Variants in COL6A3 observed in about 807,000 individuals in gnomAD.
COL6A3 encodes collagen type VI alpha 3 chain, also known as collagen alpha-3(VI) chain.
Under a neutral mutation model 274.1 loss-of-function variants are expected in COL6A3, and 137 were observed. The observed-to-expected ratio is 0.50, with a 90% CI of 0.44 to 0.58. COL6A3 has a LOEUF of 0.58. Among genes scored for constraint, COL6A3 ranks in the 20% least tolerant of loss-of-function variants. The probability of loss-of-function intolerance (pLI) is 0.00; values close to 1 mark genes in which losing one functional copy is unlikely to be tolerated. For synonymous variants in COL6A3, 1,650 were observed against 1,650.6 expected, an observed-to-expected ratio of 1.00 and a Z score of 0.01; for missense variants, 3,950 against 4,124.9, an observed-to-expected ratio of 0.96 and a Z score of 1.16.
At chr2:237,358,977 C>G in intron 20 of COL6A3, 58 bp downstream of exon 20, 1 of 1,576,336 alleles carries the variant, frequency 6.3e-7, no homozygotes, top group Non-Finnish European at 8.7e-7. Flanking sequence ...AATAACTATT[C>G]CCTAAATGAA....
intron 6 of COL6A3, among the ~76,000 whole-genome samples, chr2:237,378,343 G>A (rs185914669): frequency 3.0e-4 from 46 of 152,218 alleles, no homozygotes; most frequent in Non-Finnish European, 5.1e-4. Flanking sequence ...ATCTGGATTC[G>A]AACTCCAGAA....
At chr2:237,352,346 G>T (rs1224146459) in intron 26 of COL6A3, among the ~76,000 whole-genome samples, 176 bp downstream of exon 26, 1 of 152,152 alleles carries the variant, frequency 6.6e-6, no homozygotes, top group Non-Finnish European at 1.5e-5. Context: ...TACTTTCTTG[G>T]GGTGAAGTAG....
chr2:237,379,969 G>A (rs927672671), intron 5 of COL6A3, among the ~76,000 whole-genome samples: 2 of 152,198 alleles, frequency 1.3e-5, no homozygotes, highest in African/African-American at 4.8e-5. Context: ...TCAAAATAGT[G>A]TATTTGACCC....
In COL6A3 at chr2:237,406,008, C is replaced by T. The variant is rs115035540; in HGVS notation, c.-31+7945G>A. 6.7e-3 allele frequency among the ~76,000 whole-genome samples: 1,025 copies of T among 152,226 alleles called. 10 individuals carry two copies. The highest frequency in any genetic ancestry group is 0.031 in the Middle Eastern group (9 of 294). On this transcript the variant is annotated intron_variant, in intron 1 of 43. Coordinates refer to ENST00000295550, the MANE Select transcript of COL6A3 (RefSeq NM_004369.4). ...CAATAAGAGACATTCATCACATTTTCATTCTCATCTTTCTGTTTAGGATTA... is the reference window on the plus strand; with the variant it reads ...CAATAAGAGACATTCATCACATTTTTATTCTCATCTTTCTGTTTAGGATTA...
In COL6A3 at chr2:237,325,566, C is replaced by G. The variant is rs553486570; in HGVS notation, c.9487G>C (p.Ala3163Pro). 7 of 1,614,002 alleles carry G rather than the reference C, an allele frequency of 4.3e-6. No homozygotes were observed. The African/African-American group carries it at 9.3e-5, about 22-fold the overall frequency. The change falls in exon 43 of 44, where the codon GCT becomes CCT. Residue 3163 changes from alanine to proline, a missense_variant. Ala to Pro is a conservative substitution (Grantham distance 27). Around this residue, in one of 5 missense-constraint regions of COL6A3, gnomAD observed 1,284 missense variants for 1,349.7 expected, o/e 0.95. Transcript: ENST00000295550. Reference sequence around the variant, plus strand: ...ACAAGGAAGAATCACTTACCAGGAGCGCAAACCTTTTCACATTCTTTCTGT... The same window carrying G: ...ACAAGGAAGAATCACTTACCAGGAGGGCAAACCTTTTCACATTCTTTCTGT... ...GSQKECEKVC[A>P]PVLAKPGVIS... is the part of the protein sequence containing the mutation.
At chr2:237,348,259 T>A in intron 30 of COL6A3, 90 bp downstream of exon 30, 1 of 1,148,036 alleles carries the variant, frequency 8.7e-7, no homozygotes, top group Non-Finnish European at 1.3e-6. Flanking sequence ...GACCCAAGAC[T>A]AATGCCAAGA....
rs755232164 is a variant in COL6A3, at chr2:237,381,284, T to C, written c.1528A>G (p.Thr510Ala). 25 of 1,614,104 alleles carry C rather than the reference T, an allele frequency of 1.5e-5. 1 individual carries two copies. The part of the protein sequence containing the change: ...NTHPTKREVI[T>A]AVRKMKPLDG... ...AGGGGCTTCATTTTCCGCACAGCGG[T>C]TATGACTTCCCTTTTTGTTGGATGG... Residue 510 changes from threonine to alanine, a missense_variant, in exon 5 of 44, where the codon ACC (threonine) becomes GCC (alanine). Coordinates refer to ENST00000295550, the MANE Select transcript of COL6A3 (RefSeq NM_004369.4).
intron 25 of COL6A3, 126 bp downstream of exon 25, chr2:237,353,215 G>T: frequency 2.2e-6 from 2 of 896,758 alleles, no homozygotes; most frequent in Non-Finnish European, 3.6e-6. Flanking sequence ...CATTGTGGAA[G>T]TACCAAATGC....
At chr2:237,345,257 G>A (rs200771427) in intron 32 of COL6A3, 44 bp from the exon 33 acceptor site, 217 of 1,602,192 alleles carry the variant, frequency 1.4e-4, no homozygotes, top group Non-Finnish European at 1.8e-4. Context: ...AGCAGATGGG[G>A]AATTCGAATA....
At chr2:237,328,436 G>A (rs751863233) in intron 42 of COL6A3, 1 of 152,196 alleles carries the variant, frequency 6.6e-6, no homozygotes, top group Non-Finnish European at 1.5e-5. Context: ...TAATAATGAT[G>A]TGCAGGAGTG....
rs760206683 is a variant in COL6A3 at position 237,381,196 on chromosome 2, C to G, written c.1616G>C (p.Ser539Thr). 1.9e-6 allele frequency: 3 copies of G among 1,614,268 alleles called. No homozygotes were observed. The highest frequency in any genetic ancestry group is 3.3e-5 in the Admixed American group (2 of 60,032). The change falls in exon 5 of 44, where the codon AGT becomes ACT. Residue 539 changes from serine to threonine, a missense_variant. Ser to Thr is a moderately conservative substitution (Grantham distance 58, BLOSUM62 1). Around this residue, in one of 5 missense-constraint regions of COL6A3, gnomAD observed 1,934 missense variants for 1,984.3 expected, o/e 0.97. Coordinates refer to ENST00000295550, the MANE Select transcript of COL6A3 (RefSeq NM_004369.4). ...CTCGGCAGCCCGGTAGCCGGCTGAA[C>G]TCGTGAATAGGTTGTTACGAACAAA... ...LDFVRNNLFT[S>T]SAGYRAAEGI... is the part of the protein sequence containing the mutation.
chr2:237,361,083 G>A lies in COL6A3; in HGVS notation c.6210+38C>T, dbSNP rs778537739. 1 of 1,550,250 alleles carries A rather than the reference G, an allele frequency of 6.5e-7. No homozygotes were observed. Among genetic ancestry groups the A allele is most frequent in the East Asian group, 2.2e-5 (1 of 44,530 alleles). On this transcript the variant is annotated intron_variant, in intron 16 of 43. Coordinates refer to ENST00000295550, the MANE Select transcript of COL6A3 (RefSeq NM_004369.4). This position sits in a 1 kb window ranked among gnomAD's most constrained non-coding sequence, Gnocchi z 5.1. ...ATCCCAATGGGTAAGGATCAAGGAGGGGGTGAAATTTTAGGGACTAAAACA... is the reference window on the plus strand; with the variant it reads ...ATCCCAATGGGTAAGGATCAAGGAGAGGGTGAAATTTTAGGGACTAAAACA...
At chr2:237,385,516 T>C (rs2078122196) in intron 4 of COL6A3, among the ~76,000 whole-genome samples, 1 of 152,214 alleles carries the variant, frequency 6.6e-6, no homozygotes. Flanking sequence ...AGAGGTTGCA[T>C]GACCTGCCCA....
intron 6 of COL6A3, among the ~76,000 whole-genome samples, chr2:237,378,215 A>G (rs1481963467): frequency 6.6e-6 from 1 of 152,240 alleles, no homozygotes; most frequent in African/African-American, 2.4e-5. Flanking sequence ...TTCTAGATAC[A>G]GCAGATGTTG....
rs367585097 is a variant in COL6A3, at chr2:237,377,063, T to G, written c.2779A>C (p.Ile927Leu). 3 of 1,614,200 alleles carry G rather than the reference T, an allele frequency of 1.9e-6. No individual in the cohort carries two copies. The African/African-American group carries it at 4.0e-5, about 22-fold the overall frequency. ...CGGCTGCCAGCAGACTTCACAAAAA[T>G]GTACCTCTGTGCATAGTCCAGCGCG... ...GYALDYAQRY[I>L]FVKSAGSRIE... The change falls in exon 7 of 44, where the codon ATT (isoleucine) becomes CTT (leucine). Residue 927 changes from isoleucine (I) to leucine (L), a missense_variant. Physicochemically the swap from Ile to Leu is conservative, Grantham distance 5 (BLOSUM62 2). Around this residue, in one of 5 missense-constraint regions of COL6A3, gnomAD observed 1,934 missense variants for 1,984.3 expected, o/e 0.97. Transcript: ENST00000295550.
chr2:237,412,926 G>A (rs541462604), intron 1 of COL6A3, among the ~76,000 whole-genome samples: 60 of 152,250 alleles, frequency 3.9e-4, no homozygotes, highest in Middle Eastern at 6.8e-3. Context: ...GGTCTGCACC[G>A]GCCTCGAAAC....
At chr2:237,397,749 T>C (rs2078487556) in intron 1 of COL6A3, among the ~76,000 whole-genome samples, 1 of 152,256 alleles carries the variant, frequency 6.6e-6, no homozygotes, top group South Asian at 2.1e-4. Flanking sequence ...ATATTCTCTT[T>C]CTTTTTCAAA....
At chr2:237,409,807 C>T (rs560775237) in intron 1 of COL6A3, among the ~76,000 whole-genome samples, 7 of 152,130 alleles carry the variant, frequency 4.6e-5, no homozygotes, top group Non-Finnish European at 7.3e-5. Context: ...TACAGGGATA[C>T]GCAATGGCAT....
Position 237,387,709 on chromosome 2 carries a change from A to G in COL6A3, c.1185T>C (p.Asp395=), listed in dbSNP as rs1419319552. ...SRAELQHIAT[D]DNLVFTVPEF... ...CCGGGACAGTAAACACCAAGTTGTC[A>G]TCGGTAGCTATGTGCTGAAGCTCTG... Residue 395 remains aspartate (D), a synonymous_variant, in exon 4 of 44, where the codon GAT becomes GAC. Coordinates refer to ENST00000295550, the MANE Select transcript of COL6A3 (RefSeq NM_004369.4). 2.5e-6 allele frequency: 4 copies of G among 1,614,064 alleles called. No homozygotes were observed. The highest frequency in any genetic ancestry group is 3.4e-6 in the Non-Finnish European group (4 of 1,179,968).
Sources: allele counts gnomAD v4.1 joint callset (sites outside exome capture counted in the v4.1 genomes callset), GRCh38; gene constraint gnomAD v4.1.1; regional missense constraint gnomAD v4.1.1; non-coding constraint Gnocchi (gnomAD v3.1); transcripts MANE v1.5; gene names NCBI Gene and HGNC (gene_info 2026-07-23, HGNC 2026-07-21).